The following DPP6 variants were observed in gnomAD, a reference collection of about 807,000 sequenced individuals.
DPP6 encodes A-type potassium channel modulatory protein DPP6.
A neutral mutation model predicts 122.6 loss-of-function variants in DPP6; 69 were observed. The ratio of observed to expected loss-of-function variants is 0.56; its 90% CI spans 0.46 to 0.69. The LOEUF (loss-of-function observed/expected upper bound fraction) is 0.69, where lower values mean the gene tolerates loss of function less well. Ranked by LOEUF, DPP6 falls within the 30% of genes least tolerant of loss-of-function variation. The probability of loss-of-function intolerance (pLI) is 0.00; values close to 1 mark genes in which losing one functional copy is unlikely to be tolerated. For missense variants in DPP6, 928 were observed against 1,116.9 expected, an observed-to-expected ratio of 0.83 and a Z score of 2.41; for synonymous variants, 418 against 433.1, an observed-to-expected ratio of 0.97 and a Z score of 0.43.
At chr7:154,077,281 A>G (rs1803624739) in intron 1 of DPP6, among the ~76,000 whole-genome samples, 2 of 152,230 alleles carry the variant, frequency 1.3e-5, no homozygotes, top group Non-Finnish European at 2.9e-5. Context: ...CTCCATAGAC[A>G]CCATATTCAA....
chr7:153,774,575 G>T, the DPP6 span, among the ~76,000 whole-genome samples: 1 of 152,238 alleles, frequency 6.6e-6, no homozygotes, highest in South Asian at 2.1e-4. Context: ...GTGACCTAAG[G>T]TTATCAATTA....
chr7:153,897,930 A>C (rs1396022653), intron 1 of DPP6, among the ~76,000 whole-genome samples: 3 of 152,190 alleles, frequency 2.0e-5, no homozygotes, highest in Non-Finnish European at 4.4e-5. Context: ...AGCATTCTGG[A>C]CCGAAAAAGT....
the DPP6 span, among the ~76,000 whole-genome samples, chr7:153,769,042 A>G: frequency 6.6e-6 from 1 of 152,202 alleles, no homozygotes; most frequent in East Asian, 1.9e-4. Context: ...ATGGTACCAT[A>G]CAGTAGAATT....
chr7:154,722,818 G>A (rs943097644), intron 7 of DPP6, among the ~76,000 whole-genome samples: 6 of 152,082 alleles, frequency 3.9e-5, no homozygotes, highest in Admixed American at 2.0e-4. Context: ...CCATGCACAT[G>A]GTGGATAAAA....
chr7:154,635,614 A>G (rs1473886652), intron 5 of DPP6, among the ~76,000 whole-genome samples: 1 of 152,204 alleles, frequency 6.6e-6, no homozygotes, highest in Admixed American at 6.5e-5. Flanking sequence ...CCAACATTTA[A>G]TCTTGCAGTC....
At chr7:153,900,779 G>T (rs1037014047) in intron 1 of DPP6, among the ~76,000 whole-genome samples, 1 of 152,152 alleles carries the variant, frequency 6.6e-6, no homozygotes, top group Admixed American at 6.5e-5. Context: ...AGCTGAAAGT[G>T]CCATGTCTTA....
intron 1 of DPP6, among the ~76,000 whole-genome samples, chr7:154,006,625 G>T (rs1234035454): frequency 1.3e-5 from 2 of 152,266 alleles, no homozygotes; most frequent in Middle Eastern, 3.4e-3. Context: ...CAGCTGGTGG[G>T]TCTCTGCCTA....
chr7:154,451,922 G>A (rs768702), intron 2 of DPP6, among the ~76,000 whole-genome samples: 50,062 of 152,084 alleles, frequency 0.33, 9,993 homozygotes, highest in Non-Finnish European at 0.44. Context: ...ATGTTGCACC[G>A]CTGCTCCCGC....
At chr7:154,615,086 G>A (rs1398334946) in intron 5 of DPP6, among the ~76,000 whole-genome samples, 2 of 152,164 alleles carry the variant, frequency 1.3e-5, no homozygotes, top group Admixed American at 1.3e-4. Context: ...TGATTTTCCT[G>A]TACAGGAGAG....
At chr7:154,356,015 TC>T (rs530985635) in intron 1 of DPP6, among the ~76,000 whole-genome samples, 1 of 152,206 alleles carries the variant, frequency 6.6e-6, no homozygotes, top group South Asian at 2.1e-4. Context: ...TCTCTTAACC[TC>T]ATTTTAATGT....
chr7:154,759,428 G>A (rs1176182385), intron 8 of DPP6, among the ~76,000 whole-genome samples: 1 of 152,232 alleles, frequency 6.6e-6, no homozygotes, highest in Non-Finnish European at 1.5e-5. Flanking sequence ...CCTGTCTCTT[G>A]TGCCTAAAGC....
rs1372271111 is a variant in DPP6, at chr7:154,821,635, TATATATATATACAC to T, written c.1666+14535_1666+14548del. On this transcript the variant is annotated intron_variant, in intron 16 of 25. Transcript: ENST00000377770. The surrounding 1 kb of genome is among the most constrained non-coding windows in gnomAD (Gnocchi z 4.2). The stretch of plus-strand genomic sequence containing the variant: ...TATATATATTTTTTTTCTGTATATA[TATATATATATACAC>T]ATATATATATATATACACATATATA... Among the ~76,000 whole-genome samples, 1,036 of 89,620 alleles carry T rather than the reference TATATATATATACAC, an allele frequency of 0.012. 15 individuals are homozygous for T. The highest frequency in any genetic ancestry group is 0.054 in the African/African-American group (942 of 17,510). The allele number at this position is 89,620 out of a possible 152,430, so 58.8% of individuals were successfully genotyped here. A position where few individuals can be genotyped will look rare whatever the true frequency, so the allele number is the denominator to read the frequency against.
intron 3 of DPP6, among the ~76,000 whole-genome samples, chr7:154,532,987 A>G (rs1827964816): frequency 6.6e-6 from 1 of 152,162 alleles, no homozygotes; most frequent in Non-Finnish European, 1.5e-5. Flanking sequence ...AGAAGAAAGG[A>G]ATTTCCTTAT....
intron 7 of DPP6, among the ~76,000 whole-genome samples, chr7:154,684,884 C>A (rs779251338): frequency 1.2e-4 from 18 of 152,180 alleles, no homozygotes; most frequent in Non-Finnish European, 1.9e-4. Context: ...CATCACAGGA[C>A]AAGGTGCAGG....
chr7:154,748,519 C>T (rs1392522695), intron 8 of DPP6, among the ~76,000 whole-genome samples: 1 of 152,210 alleles, frequency 6.6e-6, no homozygotes, highest in Admixed American at 6.5e-5. Context: ...TAGACAACGC[C>T]AAGAGAATGG....
Position 154,277,599 on chromosome 7 carries a change from A to G in DPP6, c.244-168615A>G, listed in dbSNP as rs1329442930. 3.3e-5 allele frequency among the ~76,000 whole-genome samples: 5 copies of G among 152,282 alleles called. No individual in the cohort carries two copies. In the East Asian group the frequency reaches 5.8e-4, roughly 18 times the overall value. On this transcript the variant is annotated intron_variant, in intron 1 of 25. Coordinates refer to ENST00000377770, the MANE Select transcript of DPP6 (RefSeq NM_130797.4). ...GCCAACATGGTGAAACCCCATCTCT[A>G]CTAAAAATACAAAAGATTAGCCAGG...
intron 1 of DPP6, among the ~76,000 whole-genome samples, chr7:154,165,456 T>G (rs996307898): frequency 6.7e-6 from 1 of 150,112 alleles, no homozygotes; most frequent in Admixed American, 6.6e-5. Flanking sequence ...GAATAATGCC[T>G]CAATAAACAT....
intron 7 of DPP6, among the ~76,000 whole-genome samples, chr7:154,707,595 G>A (rs1447799912): frequency 1.3e-5 from 2 of 152,222 alleles, no homozygotes; most frequent in East Asian, 3.8e-4. Context: ...TGGTGTTGAT[G>A]ATGATGATGC....
At chr7:154,526,224 A>G (rs1012258943) in intron 3 of DPP6, among the ~76,000 whole-genome samples, 2 of 152,122 alleles carry the variant, frequency 1.3e-5, no homozygotes, top group African/African-American at 4.8e-5. Flanking sequence ...TGTCTTCTTT[A>G]TCTTTAAGAT....
Sources: allele counts gnomAD v4.1 joint callset (sites outside exome capture counted in the v4.1 genomes callset), GRCh38; gene constraint gnomAD v4.1.1; non-coding constraint Gnocchi (gnomAD v3.1); transcripts MANE v1.5; gene names NCBI Gene and HGNC (gene_info 2026-07-23, HGNC 2026-07-21).